CUL3: variants seen among roughly 807,000 people sequenced by gnomAD.
The protein encoded by CUL3 is cullin-3.
In CUL3, 19 loss-of-function variants were observed where a neutral mutation model predicts 89.1. The observed-to-expected ratio is 0.21, with a 90% CI of 0.15 to 0.31. CUL3 has a LOEUF of 0.31. Among genes scored for constraint, CUL3 ranks in the 10% least tolerant of loss-of-function variants. The pLI, the probability that CUL3 is intolerant of heterozygous loss-of-function variation, is 1.00. For synonymous variants in CUL3, 351 were observed against 308.4 expected (o/e 1.14, Z -1.45); for missense variants, 469 against 942.3 (o/e 0.50, Z 6.58).
Position 224,514,605 on chromosome 2 carries a change from A to AT in CUL3, c.539+6dup. 1 of 1,601,212 alleles carries AT rather than the reference A, an allele frequency of 6.2e-7. No individual in the cohort carries two copies. The highest frequency in any genetic ancestry group is 8.5e-7 in the Non-Finnish European group (1 of 1,172,680). On this transcript the variant is annotated splice_region_variant and intron_variant, in intron 4 of 15. Coordinates refer to ENST00000264414, the MANE Select transcript of CUL3 (RefSeq NM_003590.5). ...CAAAACCACAAGAGTAAAGAGAGAA[A>AT]TTTTACCTGTCTACGACTTCTCCTT... is the stretch of plus-strand genomic sequence containing the variant.
At chr2:224,520,825 C>T (rs6759332) in intron 3 of CUL3, among the ~76,000 whole-genome samples, 74,230 of 152,012 alleles carry the variant, frequency 0.49, 18,294 homozygotes, top group East Asian at 0.59. Flanking sequence ...AGATGTGCCT[C>T]TTCCTCTTCA....
chr2:224,481,189 T>C (rs779676634), intron 14 of CUL3, among the ~76,000 whole-genome samples: 1 of 152,104 alleles, frequency 6.6e-6, no homozygotes, highest in Non-Finnish European at 1.5e-5. Flanking sequence ...CACTGTTTTA[T>C]TGCACACATA....
At chr2:224,512,882 A>G (rs10173298) in intron 5 of CUL3, among the ~76,000 whole-genome samples, 282 of 152,308 alleles carry the variant, frequency 1.9e-3, no homozygotes, top group African/African-American at 6.4e-3. Flanking sequence ...ACCCTTGAAC[A>G]ACACAAGTTT....
chr2:224,472,376 GT>G lies in CUL3; in HGVS notation c.*1868del, dbSNP rs1318093047. ...CTAACTCGACAATCTGAGCTGTCCT[GT>G]TTTCCCAGGTGTTAAATATCATTTA... On this transcript the variant is annotated 3_prime_UTR_variant, in exon 16 of 16. Coordinates refer to ENST00000264414, the MANE Select transcript of CUL3 (RefSeq NM_003590.5). 2 of 208,436 alleles carry G rather than the reference GT, an allele frequency of 9.6e-6. No homozygotes were observed. The highest frequency in any genetic ancestry group is 1.9e-5 in the Non-Finnish European group (2 of 102,692). The allele number at this position is 208,436 out of a possible 1,614,324, so 12.9% of individuals were successfully genotyped here. A position where few individuals can be genotyped will look rare whatever the true frequency, so the allele number is the denominator to read the frequency against.
intron 8 of CUL3, 62 bp downstream of exon 8, chr2:224,505,894 T>C: frequency 1.8e-6 from 2 of 1,110,826 alleles, no homozygotes; most frequent in East Asian, 5.5e-5. Flanking sequence ...GTCCTAATTT[T>C]ACATATAATT....
At chr2:224,478,455 T>C (rs1221275044) in intron 14 of CUL3, 110 bp from the exon 15 acceptor site, 11 of 923,072 alleles carry the variant, frequency 1.2e-5, no homozygotes, top group Non-Finnish European at 4.8e-6. Flanking sequence ...TTTCAGCCTC[T>C]GAATATACAC....
chr2:224,527,780 T>C (rs1693532734), intron 3 of CUL3, among the ~76,000 whole-genome samples: 1 of 152,114 alleles, frequency 6.6e-6, no homozygotes, highest in Non-Finnish European at 1.5e-5. Flanking sequence ...TACGTAATAC[T>C]TCTATTTCAT....
chr2:224,493,384 G>A (rs1458177473), intron 13 of CUL3, among the ~76,000 whole-genome samples: 4 of 152,192 alleles, frequency 2.6e-5, no homozygotes, highest in South Asian at 4.1e-4. Flanking sequence ...AGAGAAACAC[G>A]TGGTGTTGAG....
intron 8 of CUL3, among the ~76,000 whole-genome samples, chr2:224,504,767 GTGACGACA>G (rs1692527556): frequency 6.6e-6 from 1 of 152,200 alleles, no homozygotes; most frequent in South Asian, 2.1e-4. Flanking sequence ...TGTAAAACCT[GTGACGACA>G]TGTTGCTTTT....
intron 1 of CUL3, chr2:224,563,308 G>A: frequency 2.1e-6 from 1 of 470,608 alleles, no homozygotes; most frequent in Non-Finnish European, 4.4e-6. Context: ...CTTGGCTCTT[G>A]TCACTCTCTA....
intron 3 of CUL3, among the ~76,000 whole-genome samples, chr2:224,523,603 G>A (rs528399712): frequency 9.2e-5 from 14 of 152,290 alleles, no homozygotes; most frequent in African/African-American, 3.4e-4. Context: ...TCTTGAAGAG[G>A]TATTTGTACA....
intron 2 of CUL3, among the ~76,000 whole-genome samples, chr2:224,553,084 A>C (rs1471546041): frequency 6.6e-6 from 1 of 152,062 alleles, no homozygotes; most frequent in Non-Finnish European, 1.5e-5. Context: ...TAGGAAACAA[A>C]CATGTCAGAG....
intron 3 of CUL3, among the ~76,000 whole-genome samples, chr2:224,519,454 G>A (rs900414325): frequency 2.0e-5 from 3 of 152,198 alleles, no homozygotes; most frequent in Non-Finnish European, 4.4e-5. Context: ...TTACTGTGGT[G>A]TAAGAGCTAA....
At chr2:224,539,022 TGAAGAG>T (rs776542480) in intron 2 of CUL3, among the ~76,000 whole-genome samples, 43,553 of 151,934 alleles carry the variant, frequency 0.29, 6,544 homozygotes, top group Middle Eastern at 0.41. Flanking sequence ...AAGACTTCAG[TGAAGAG>T]AATGAGAAAA....
Position 224,557,703 on chromosome 2 carries a change from A to G in CUL3, c.220T>C (p.Tyr74His), listed in dbSNP as rs760220676. ...GTAACAACTTCTCTTAGTCCAGTGT[A>G]GAGCTTTTCTCCATGTTTATGCAAA... ...MVLHKHGEKL[Y>H]TGLREVVTEH... is the part of the protein sequence containing the mutation. Residue 74 changes from tyrosine to histidine, a missense_variant, in exon 2 of 16, where the codon TAC becomes CAC. Tyr to His is a moderately conservative substitution (Grantham distance 83). Around this residue, in one of 4 missense-constraint regions of CUL3, gnomAD observed 370 missense variants for 733.2 expected, o/e 0.50. Coordinates refer to ENST00000264414, the MANE Select transcript of CUL3 (RefSeq NM_003590.5). The G allele has an allele frequency of 1.2e-6, 2 of 1,612,788 alleles. No homozygotes were observed. The highest frequency in any genetic ancestry group is 1.7e-6 in the Non-Finnish European group (2 of 1,179,330).
chr2:224,576,778 T>C (rs1308554446), intron 1 of CUL3, among the ~76,000 whole-genome samples: 1 of 151,872 alleles, frequency 6.6e-6, no homozygotes, highest in Admixed American at 6.6e-5. Context: ...TTAACGTACA[T>C]ATTATAGAAC....
chr2:224,576,091 G>A (rs1542789), intron 1 of CUL3, among the ~76,000 whole-genome samples: 28,788 of 152,100 alleles, frequency 0.19, 3,038 homozygotes, highest in South Asian at 0.27. Context: ...GTCATAGGGA[G>A]AGAGCAGGAG....
intron 10 of CUL3, 23 bp downstream of exon 10, chr2:224,502,942 T>A (rs1378976244): frequency 6.5e-7 from 1 of 1,533,680 alleles, no homozygotes; most frequent in East Asian, 2.2e-5. Flanking sequence ...AATATCTAAG[T>A]AGAAATTAAC....
chr2:224,535,862 A>G (rs1242779097), intron 2 of CUL3, among the ~76,000 whole-genome samples: 1 of 152,200 alleles, frequency 6.6e-6, no homozygotes, highest in African/African-American at 2.4e-5. Flanking sequence ...CAGAACATAA[A>G]TCAACTTCCT....
Sources: allele counts gnomAD v4.1 joint callset (sites outside exome capture counted in the v4.1 genomes callset), GRCh38; gene constraint gnomAD v4.1.1; regional missense constraint gnomAD v4.1.1; transcripts MANE v1.5; gene names NCBI Gene and HGNC (gene_info 2026-07-23, HGNC 2026-07-21).